Variants in CCDC88A observed in about 807,000 individuals in gnomAD.
CCDC88A encodes girdin.
A neutral mutation model predicts 234.3 loss-of-function variants in CCDC88A; 54 were observed. The ratio of observed to expected loss-of-function variants is 0.23; its 90% CI spans 0.19 to 0.29. The LOEUF is 0.29. Among genes scored for constraint, CCDC88A ranks in the 10% least tolerant of loss-of-function variants. The pLI is 1.00. For missense variants in CCDC88A, 1,832 were observed against 2,123.4 expected, an observed-to-expected ratio of 0.86 and a Z score of 2.70; for synonymous variants, 753 against 737.8, an observed-to-expected ratio of 1.02 and a Z score of -0.33.
intron 5 of CCDC88A, among the ~76,000 whole-genome samples, chr2:55,369,006 T>C (rs932301438): frequency 6.6e-6 from 1 of 152,148 alleles, no homozygotes; most frequent in Non-Finnish European, 1.5e-5. Context: ...ATATTATTAG[T>C]AGTAGTGGCT....
chr2:55,409,738 CTTTT>C (rs61703330), intron 2 of CCDC88A, among the ~76,000 whole-genome samples: 5 of 111,732 alleles, frequency 4.5e-5, no homozygotes, highest in Admixed American at 9.1e-5. Context: ...ATATACCTCC[CTTTT>C]TTTTTTTTTT....
At chr2:55,342,806 G>C (rs1668672918) in intron 12 of CCDC88A, among the ~76,000 whole-genome samples, 1 of 152,106 alleles carries the variant, frequency 6.6e-6, no homozygotes, top group South Asian at 2.1e-4. Flanking sequence ...AAGAGTTTAT[G>C]TCTACGTCAA....
At chr2:55,349,732 G>T in intron 8 of CCDC88A, 133 bp from the exon 9 acceptor site, 1 of 415,268 alleles carries the variant, frequency 2.4e-6, no homozygotes, top group Non-Finnish European at 4.0e-6. Flanking sequence ...TAATCTAGAA[G>T]ATAAAAAAAA....
intron 28 of CCDC88A, chr2:55,300,452 T>C (rs1249299997): frequency 6.6e-6 from 1 of 152,584 alleles, no homozygotes; most frequent in Non-Finnish European, 1.5e-5. Flanking sequence ...GCCAATAGTT[T>C]GGTGAGATAT....
In CCDC88A at chr2:55,301,836, A is replaced by C. The variant is rs187835372; in HGVS notation, c.4672+36T>G. On this transcript the variant is annotated intron_variant, in intron 27 of 32. Transcript: ENST00000436346. ...TCAAATTAAAATTCTTGTTGCCAAC[A>C]ATTACACCACAGTGCAAATAGCAGA... is the stretch of plus-strand genomic sequence containing the variant. 2.4e-4 allele frequency: 373 copies of C among 1,567,274 alleles called. No homozygotes were observed. In the Admixed American group the frequency reaches 2.6e-3, roughly 11 times the overall value.
chr2:55,391,440 G>A (rs372901907), intron 2 of CCDC88A, among the ~76,000 whole-genome samples: 1 of 151,910 alleles, frequency 6.6e-6, no homozygotes, highest in Admixed American at 6.6e-5. Context: ...TCTATAACCA[G>A]GAAAGAAAAT....
At chr2:55,386,283 T>C (rs959465082) in intron 3 of CCDC88A, among the ~76,000 whole-genome samples, 23 of 151,152 alleles carry the variant, frequency 1.5e-4, no homozygotes, top group African/African-American at 3.9e-4. Flanking sequence ...AGAAAAATAA[T>C]TGTCAACCTA....
chr2:55,416,439 AATAAATATATAT>A (rs1474753821), intron 2 of CCDC88A, among the ~76,000 whole-genome samples: 6 of 25,586 alleles, frequency 2.3e-4, no homozygotes, highest in South Asian at 3.4e-3. Context: ...TAAATAAATA[AATAAATATATAT>A]ATATATATAT....
chr2:55,328,193 T>A lies in CCDC88A; in HGVS notation c.2997+101A>T, dbSNP rs781452183. The A allele has an allele frequency of 1.1e-6, 1 of 899,508 alleles. No homozygotes were observed. Among genetic ancestry groups the A allele is most frequent in the Non-Finnish European group, 1.7e-6 (1 of 596,046 alleles). 55.7% of individuals were successfully genotyped at this position (899,508 alleles called of 1,614,324 possible). On this transcript the variant is annotated intron_variant, in intron 17 of 32. Coordinates refer to ENST00000436346, the MANE Select transcript of CCDC88A (RefSeq NM_001365480.1). This position sits in a 1 kb window ranked among gnomAD's most constrained non-coding sequence, Gnocchi z 4.3. ...GAAAAAGGAAGAAATAGACTAAATA[T>A]CAATAAAATGTTTATATTTTTATTT...
intron 25 of CCDC88A, among the ~76,000 whole-genome samples, chr2:55,307,514 C>G (rs1681753861): frequency 6.6e-6 from 1 of 151,490 alleles, no homozygotes; most frequent in Non-Finnish European, 1.5e-5. Context: ...CACCACAACG[C>G]CCGGCTAATT....
chr2:55,393,484 G>A (rs897650850), intron 2 of CCDC88A, among the ~76,000 whole-genome samples: 3 of 151,260 alleles, frequency 2.0e-5, no homozygotes, highest in Admixed American at 2.0e-4. Context: ...AGTAGTGACG[G>A]GGTTTCACTA....
At position 55,401,125 on chromosome 2, in the gene CCDC88A, G is replaced by A. The variant is rs182019953; in HGVS notation, c.165-12239C>T. 1.4e-3 allele frequency among the ~76,000 whole-genome samples: 206 copies of A among 151,814 alleles called. 2 individuals are homozygous for A. Among genetic ancestry groups the A allele is most frequent in the African/African-American group, 4.7e-3 (196 of 41,432 alleles). On this transcript the variant is annotated intron_variant, in intron 2 of 32. Coordinates refer to ENST00000436346, the MANE Select transcript of CCDC88A (RefSeq NM_001365480.1). ...GTCTGAGGGTACATAGAAAATTAGT[G>A]GTTTTAAGGGAAAAAATGTATTGGC...
At chr2:55,391,828 T>C (rs1282473014) in intron 2 of CCDC88A, among the ~76,000 whole-genome samples, 5 of 152,190 alleles carry the variant, frequency 3.3e-5, no homozygotes, top group Non-Finnish European at 7.4e-5. Context: ...TAAGAATCCA[T>C]TCATGTTTCC....
At chr2:55,416,331 C>T (rs540805799) in intron 2 of CCDC88A, among the ~76,000 whole-genome samples, 1 of 148,308 alleles carries the variant, frequency 6.7e-6, no homozygotes, top group Admixed American at 6.8e-5. Context: ...ACAAAGAAGA[C>T]TGAAAGAAAA....
At position 55,410,908 on chromosome 2, in the gene CCDC88A, T is replaced by A. The variant is rs562560561; in HGVS notation, c.164+7908A>T. Among the ~76,000 whole-genome samples the A allele has an allele frequency of 3.3e-3, 497 of 150,402 alleles. 3 individuals carry two copies. Among genetic ancestry groups the A allele is most frequent in the African/African-American group, 0.01 (420 of 40,952 alleles). ...GCCTTGTCTCAAAAAAAAAAAAAAA[T>A]TATTAAACTAGTAAAATAGATCTAA... is the stretch of plus-strand genomic sequence containing the variant. On this transcript the variant is annotated intron_variant, in intron 2 of 32. Coordinates refer to ENST00000436346, the MANE Select transcript of CCDC88A (RefSeq NM_001365480.1).
At chr2:55,297,398 A>ATTATATATAAATATATAT (rs1680312925) in intron 29 of CCDC88A, among the ~76,000 whole-genome samples, 1 of 113,784 alleles carries the variant, frequency 8.8e-6, no homozygotes, top group East Asian at 2.1e-4. Context: ...TATTATATAT[A>ATTATATATAAATATATAT]AATATACATA....
intron 29 of CCDC88A, among the ~76,000 whole-genome samples, chr2:55,298,780 T>C (rs1355588124): frequency 6.7e-6 from 1 of 148,330 alleles, no homozygotes; most frequent in Non-Finnish European, 1.5e-5. Flanking sequence ...GAGGCTGACG[T>C]GGTAGGATCG....
intron 13 of CCDC88A, 76 bp from the exon 14 acceptor site, chr2:55,336,894 C>T (rs1348054314): frequency 8.1e-6 from 7 of 869,474 alleles, no homozygotes; most frequent in East Asian, 5.9e-5. Flanking sequence ...AAAACATAAT[C>T]GCTGAATAAA....
chr2:55,350,933 T>C (rs1004081173), intron 8 of CCDC88A, among the ~76,000 whole-genome samples: 3 of 152,226 alleles, frequency 2.0e-5, no homozygotes, highest in Non-Finnish European at 4.4e-5. Flanking sequence ...ATTACCGGCA[T>C]GAGCCATGGT....
Sources: gnomAD v4.1 joint callset for allele counts (sites outside exome capture counted in the v4.1 genomes callset) on GRCh38, gnomAD v4.1.1 for gene constraint, Gnocchi (gnomAD v3.1) non-coding constraint, MANE v1.5 for transcripts, NCBI Gene and HGNC (gene_info 2026-07-23, HGNC 2026-07-21) for gene names.